The following MARCHF1 variants were observed in gnomAD, a reference collection of about 807,000 sequenced individuals.
MARCHF1 encodes E3 ubiquitin-protein ligase MARCHF1.
A neutral mutation model predicts 54.2 loss-of-function variants in MARCHF1; 40 were observed. That is an observed-to-expected ratio of 0.74 (90% confidence interval 0.57 to 0.96). MARCHF1 has a LOEUF of 0.96. Ranked by LOEUF, MARCHF1 falls within the 40% of genes least tolerant of loss-of-function variation. The pLI is 0.00. For synonymous variants in MARCHF1, 236 were observed against 236.3 expected (o/e 1.00, Z 0.01); for missense variants, 586 against 656.5 (o/e 0.89, Z 1.17).
intron 4 of MARCHF1, among the ~76,000 whole-genome samples, chr4:163,734,456 T>A (rs1221262407): frequency 1.3e-5 from 2 of 151,760 alleles, no homozygotes; most frequent in African/African-American, 2.4e-5. Context: ...TACGATGACA[T>A]CTTATTTATC....
chr4:164,377,066 T>C (rs944368912), intron 1 of MARCHF1, among the ~76,000 whole-genome samples: 3 of 152,192 alleles, frequency 2.0e-5, no homozygotes, highest in African/African-American at 7.2e-5. Flanking sequence ...TTCCAGGCAT[T>C]CTCCGACTTC....
rs189572326 is a variant in MARCHF1 at position 163,746,165 on chromosome 4, C to T, written c.112-45302G>A. ...AAAAATTCTCTGTGCTCTGCCTATT[C>T]TTTCTTCCCTTCCTCTTAATCCCTG... On this transcript the variant is annotated intron_variant, in intron 4 of 9. Transcript: ENST00000514618. Among the ~76,000 whole-genome samples the T allele has an allele frequency of 3.8e-3, 572 of 152,314 alleles. 3 individuals are homozygous for T. Among genetic ancestry groups the T allele is most frequent in the African/African-American group, 0.013 (549 of 41,574 alleles).
intron 5 of MARCHF1, among the ~76,000 whole-genome samples, chr4:163,642,676 A>G (rs1383577239): frequency 2.6e-5 from 4 of 152,110 alleles, no homozygotes; most frequent in African/African-American, 9.7e-5. Flanking sequence ...AGGATATACT[A>G]TTTATCCTTC....
intron 4 of MARCHF1, among the ~76,000 whole-genome samples, chr4:163,840,644 G>T (rs1191450411): frequency 6.6e-6 from 1 of 152,022 alleles, no homozygotes; most frequent in African/African-American, 2.4e-5. Flanking sequence ...GCTGGAAGGT[G>T]GCGGAAAAGG....
At chr4:163,534,899 A>G (rs906770980) in intron 9 of MARCHF1, among the ~76,000 whole-genome samples, 7 of 152,094 alleles carry the variant, frequency 4.6e-5, no homozygotes, top group Admixed American at 2.6e-4. Flanking sequence ...ATGTATTCCA[A>G]TACTCTCCAG....
chr4:164,147,738 G>C (rs1364002377), intron 1 of MARCHF1, among the ~76,000 whole-genome samples: 1 of 145,546 alleles, frequency 6.9e-6, no homozygotes, highest in Non-Finnish European at 1.5e-5. Flanking sequence ...CGAGTTAGTG[G>C]GTGCAGCGCA....
intron 1 of MARCHF1, among the ~76,000 whole-genome samples, chr4:164,322,630 A>C (rs778444469): frequency 3.3e-5 from 5 of 152,102 alleles, no homozygotes; most frequent in Non-Finnish European, 5.9e-5. Flanking sequence ...TCCATTCTTC[A>C]TGATGTTCTT....
rs1204808557 is a variant in MARCHF1, at chr4:163,528,615, A to G, written c.*133T>C. ...GTTTTTCTCCTTTCCTCTTTGAACA[A>G]AGTCAGGAAAAATGTGTCAGTAGGA... On this transcript the variant is annotated 3_prime_UTR_variant, in exon 10 of 10. Coordinates refer to ENST00000514618, the MANE Select transcript of MARCHF1 (RefSeq NM_001394959.1). 1.1e-6 allele frequency: 1 copy of G among 929,132 alleles called. No homozygotes were observed. Among genetic ancestry groups the G allele is most frequent in the Non-Finnish European group, 1.6e-6 (1 of 630,034 alleles). 57.6% of individuals were successfully genotyped at this position (929,132 alleles called of 1,614,324 possible).
At chr4:164,033,211 C>T (rs7696574) in intron 2 of MARCHF1, among the ~76,000 whole-genome samples, 148,912 of 151,870 alleles carry the variant, frequency 0.98, 73,066 homozygotes, top group East Asian at 1. Flanking sequence ...CTGGGAAAAC[C>T]GGCTAGCCAT....
At chr4:164,267,466 G>GT (rs140196369) in intron 1 of MARCHF1, among the ~76,000 whole-genome samples, 2,932 of 152,226 alleles carry the variant, frequency 0.019, 95 homozygotes, top group East Asian at 0.12. Context: ...GTGGCCCAGT[G>GT]TAAGTCCTGT....
At chr4:163,894,690 C>CAT (rs372995089) in intron 3 of MARCHF1, among the ~76,000 whole-genome samples, 242 of 8,238 alleles carry the variant, frequency 0.029, 78 homozygotes, top group Admixed American at 0.054. Context: ...GCATGTGATG[C>CAT]ATATATATAT....
rs1343347619 is a variant in MARCHF1, at chr4:164,283,685, G to A, written c.-323+100185C>T. 1.3e-5 allele frequency among the ~76,000 whole-genome samples: 2 copies of A among 150,778 alleles called. 1 individual carries two copies. Among genetic ancestry groups the A allele is most frequent in the African/African-American group, 4.9e-5 (2 of 41,044 alleles). On this transcript the variant is annotated intron_variant, in intron 1 of 9. Coordinates refer to ENST00000514618, the MANE Select transcript of MARCHF1 (RefSeq NM_001394959.1). The stretch of plus-strand genomic sequence containing the variant: ...GCCAGTTAGATCAACCAAAGAGATT[G>A]TATACAATAAGAAAATAGCAAAATG...
At chr4:164,351,563 A>G (rs1730335897) in intron 1 of MARCHF1, among the ~76,000 whole-genome samples, 1 of 152,180 alleles carries the variant, frequency 6.6e-6, no homozygotes, top group African/African-American at 2.4e-5. Context: ...TGTCTGTTAG[A>G]AGGAAAACTA....
At chr4:163,802,535 G>T (rs1748110238) in intron 4 of MARCHF1, among the ~76,000 whole-genome samples, 1 of 152,146 alleles carries the variant, frequency 6.6e-6, no homozygotes, top group African/African-American at 2.4e-5. Context: ...TCCTCAAGCA[G>T]CTTTTGCTGT....
At chr4:163,818,303 CA>C in intron 4 of MARCHF1, among the ~76,000 whole-genome samples, 2 of 151,928 alleles carry the variant, frequency 1.3e-5, no homozygotes, top group Non-Finnish European at 2.9e-5. Flanking sequence ...ACAGGATGTA[CA>C]GATTTGTTGC....
intron 3 of MARCHF1, among the ~76,000 whole-genome samples, chr4:163,891,499 A>G (rs535517220): frequency 6.6e-6 from 1 of 152,144 alleles, no homozygotes; most frequent in South Asian, 2.1e-4. Context: ...TTCACAAAGG[A>G]GCACTTTTGC....
chr4:164,244,102 C>G (rs146555356), intron 1 of MARCHF1, among the ~76,000 whole-genome samples: 9 of 151,694 alleles, frequency 5.9e-5, no homozygotes, highest in African/African-American at 1.9e-4. Flanking sequence ...CTGCACCAAG[C>G]GGACCTGATA....
intron 4 of MARCHF1, among the ~76,000 whole-genome samples, chr4:163,845,133 G>A (rs920330334): frequency 6.6e-6 from 1 of 151,938 alleles, no homozygotes; most frequent in African/African-American, 2.4e-5. Flanking sequence ...TCTTTGGCTT[G>A]GAAAAAGCAT....
chr4:163,692,565 C>CACATGTTATATTGT (rs1434223419), intron 5 of MARCHF1, among the ~76,000 whole-genome samples: 1 of 151,630 alleles, frequency 6.6e-6, no homozygotes, highest in Non-Finnish European at 1.5e-5. Context: ...TAGCGAGATA[C>CACATGTTATATTGT]CACAGGGCTG....
Sources: allele counts gnomAD v4.1 joint callset (sites outside exome capture counted in the v4.1 genomes callset), GRCh38; gene constraint gnomAD v4.1.1; transcripts MANE v1.5; gene names NCBI Gene and HGNC (gene_info 2026-07-23, HGNC 2026-07-21).